Variants in CSNK2A2IP observed in about 807,000 individuals in gnomAD.
CSNK2A2IP encodes the protein casein kinase II subunit alpha'-interacting protein.
At chr3:88,349,418 G>A in the CSNK2A2IP span, among the ~76,000 whole-genome samples, 1 of 152,080 alleles carries the variant, frequency 6.6e-6, no homozygotes, top group Non-Finnish European at 1.5e-5. Context: ...ACTTCGCTTA[G>A]AATAACGGCT....
At chr3:88,383,948 C>A in the CSNK2A2IP span, among the ~76,000 whole-genome samples, 1 of 150,482 alleles carries the variant, frequency 6.6e-6, no homozygotes, top group Admixed American at 6.6e-5. Flanking sequence ...CAGGCATAAG[C>A]CACTGCGCCG....
chr3:88,442,738 A>G, the CSNK2A2IP span, among the ~76,000 whole-genome samples: 7 of 152,114 alleles, frequency 4.6e-5, no homozygotes, highest in Admixed American at 3.3e-4. Context: ...TTGAGCTTGT[A>G]ATTTTGGTCT....
the CSNK2A2IP span, chr3:88,399,642 A>G: frequency 6.6e-6 from 1 of 152,226 alleles, no homozygotes; most frequent in East Asian, 1.9e-4. Flanking sequence ...CAGGCCTGAG[A>G]CTGGAGTACG....
the CSNK2A2IP span, among the ~76,000 whole-genome samples, chr3:88,369,211 G>A: frequency 1.3e-5 from 2 of 151,964 alleles, no homozygotes; most frequent in Non-Finnish European, 2.9e-5. Flanking sequence ...GAAAAGAAAT[G>A]AGACAAGCTG....
the CSNK2A2IP span, among the ~76,000 whole-genome samples, chr3:88,429,667 A>G: frequency 6.6e-6 from 1 of 152,186 alleles, no homozygotes; most frequent in Non-Finnish European, 1.5e-5. Context: ...GATGTCAAGA[A>G]ATTTGTGAAA....
the CSNK2A2IP span, among the ~76,000 whole-genome samples, chr3:88,430,726 A>T: frequency 6.6e-5 from 10 of 152,306 alleles, no homozygotes; most frequent in Non-Finnish European, 1.3e-4. Flanking sequence ...AATCTAATGC[A>T]AAGGAACAAC....
chr3:88,370,602 CTCTCTCTCTCTTTCTTTCTTTCTTTCTT>C, the CSNK2A2IP span, among the ~76,000 whole-genome samples: 1 of 104,240 alleles, frequency 9.6e-6, no homozygotes. Flanking sequence ...CTTTCTTTCT[CTCTCTCTCTCTTTCTTTCTTTCTTTCTT>C]TCTTTTCTCT....
chr3:88,443,329 GAAGT>G, the CSNK2A2IP span, among the ~76,000 whole-genome samples: 1 of 152,104 alleles, frequency 6.6e-6, no homozygotes, highest in African/African-American at 2.4e-5. Flanking sequence ...GATAGTATTA[GAAGT>G]GAGAAAACAA....
chr3:88,364,147 A>G, the CSNK2A2IP span, among the ~76,000 whole-genome samples: 12 of 152,098 alleles, frequency 7.9e-5, no homozygotes, highest in South Asian at 2.3e-3. Flanking sequence ...ATGGTCCAAG[A>G]ATTCTCTCAG....
chr3:88,385,176 T>C, the CSNK2A2IP span, among the ~76,000 whole-genome samples: 4 of 152,258 alleles, frequency 2.6e-5, no homozygotes, highest in African/African-American at 9.6e-5. Flanking sequence ...TGCAATCCAG[T>C]AACTTCACAT....
At chr3:88,418,774 G>A in the CSNK2A2IP span, among the ~76,000 whole-genome samples, 1 of 152,114 alleles carries the variant, frequency 6.6e-6, no homozygotes, top group Non-Finnish European at 1.5e-5. Flanking sequence ...ATATTTACCT[G>A]ATAGGTCAAG....
chr3:88,416,979 C>A, the CSNK2A2IP span, among the ~76,000 whole-genome samples: 2 of 151,504 alleles, frequency 1.3e-5, no homozygotes, highest in Non-Finnish European at 2.9e-5. Flanking sequence ...CCCCAATTCA[C>A]TGCATTATTA....
the CSNK2A2IP span, among the ~76,000 whole-genome samples, chr3:88,429,968 A>G: frequency 1.3e-5 from 2 of 149,904 alleles, no homozygotes; most frequent in East Asian, 4.0e-4. Context: ...TCACCATGTT[A>G]GTCAGGATGG....
chr3:88,456,933 A>G, the CSNK2A2IP span, among the ~76,000 whole-genome samples: 1 of 152,096 alleles, frequency 6.6e-6, no homozygotes, highest in Non-Finnish European at 1.5e-5. Flanking sequence ...GTTTTCTTGA[A>G]TAGATATTCA....
chr3:88,338,905 T>G, the CSNK2A2IP span, among the ~76,000 whole-genome samples: 1 of 152,140 alleles, frequency 6.6e-6, no homozygotes, highest in South Asian at 2.1e-4. Flanking sequence ...TTTATTTTTT[T>G]AATTTAATTT....
the CSNK2A2IP span, among the ~76,000 whole-genome samples, chr3:88,463,825 T>C: frequency 7.2e-5 from 11 of 152,168 alleles, no homozygotes; most frequent in Non-Finnish European, 7.4e-5. Context: ...GGATTATAAA[T>C]CATGCTGCTA....
the CSNK2A2IP span, among the ~76,000 whole-genome samples, chr3:88,451,059 G>A: frequency 1.3e-5 from 2 of 151,944 alleles, no homozygotes; most frequent in African/African-American, 4.8e-5. Flanking sequence ...AAATGTAAGG[G>A]TGTTATATCA....
At chr3:88,385,233 C>G in the CSNK2A2IP span, among the ~76,000 whole-genome samples, 1 of 152,044 alleles carries the variant, frequency 6.6e-6, no homozygotes, top group Non-Finnish European at 1.5e-5. Context: ...AATGAAAGAG[C>G]GGTGAGGCGG....
At chr3:88,451,276 G>A in the CSNK2A2IP span, among the ~76,000 whole-genome samples, 1 of 151,984 alleles carries the variant, frequency 6.6e-6, no homozygotes, top group Non-Finnish European at 1.5e-5. Context: ...AATATTGCAT[G>A]ATCTCAGTTA....
Sources: gnomAD v4.1 joint callset for allele counts (sites outside exome capture counted in the v4.1 genomes callset) on GRCh38, gnomAD v4.1.1 for gene constraint, MANE v1.5 for transcripts, NCBI Gene and HGNC (gene_info 2026-07-23, HGNC 2026-07-21) for gene names.